The following INPP4B variants were observed in gnomAD, a reference collection of about 807,000 sequenced individuals.
INPP4B encodes inositol polyphosphate 4-phosphatase type II.
A neutral mutation model predicts 122.5 loss-of-function variants in INPP4B; 55 were observed. That is an observed-to-expected ratio of 0.45 (90% CI 0.36 to 0.56). The LOEUF is 0.56. Ranked by LOEUF, INPP4B falls within the 20% of genes least tolerant of loss-of-function variation. The pLI, the probability that INPP4B is intolerant of heterozygous loss-of-function variation, is 0.00. For synonymous variants in INPP4B, 403 were observed against 388.7 expected, an observed-to-expected ratio of 1.04 and a Z score of -0.43; for missense variants, 1,000 against 1,097.7, an observed-to-expected ratio of 0.91 and a Z score of 1.26.
At chr4:142,493,674 C>G (rs1822162885) in intron 2 of INPP4B, among the ~76,000 whole-genome samples, 1 of 152,150 alleles carries the variant, frequency 6.6e-6, no homozygotes, top group South Asian at 2.1e-4. Context: ...CTTGTAACTC[C>G]ATTTTATAGG....
intron 2 of INPP4B, among the ~76,000 whole-genome samples, chr4:142,671,353 T>C (rs971050946): frequency 6.6e-6 from 1 of 152,170 alleles, no homozygotes; most frequent in African/African-American, 2.4e-5. Context: ...AACTTTCCTT[T>C]GCAGCCTTCA....
chr4:142,178,052 A>G (rs944516696), intron 15 of INPP4B, among the ~76,000 whole-genome samples: 19 of 152,132 alleles, frequency 1.2e-4, no homozygotes, highest in African/African-American at 3.9e-4. Flanking sequence ...CTGGACTCCA[A>G]TGAAAACAAA....
At chr4:142,459,387 T>G (rs1197393576) in intron 3 of INPP4B, among the ~76,000 whole-genome samples, 2 of 151,642 alleles carry the variant, frequency 1.3e-5, no homozygotes, top group Non-Finnish European at 2.9e-5. Flanking sequence ...TTTAATAAAT[T>G]TTTGCATCAA....
At chr4:142,454,197 G>A (rs1814906751) in intron 3 of INPP4B, among the ~76,000 whole-genome samples, 2 of 152,098 alleles carry the variant, frequency 1.3e-5, no homozygotes. Flanking sequence ...CGTGTCAGAA[G>A]TGAGTAAATA....
chr4:142,385,580 T>C (rs1243217934), intron 7 of INPP4B, among the ~76,000 whole-genome samples: 1 of 152,152 alleles, frequency 6.6e-6, no homozygotes, highest in African/African-American at 2.4e-5. Context: ...ATCCTGGATA[T>C]TGTCATTTTA....
At chr4:142,334,442 T>G (rs772194855) in intron 7 of INPP4B, among the ~76,000 whole-genome samples, 13 of 152,184 alleles carry the variant, frequency 8.5e-5, no homozygotes, top group Non-Finnish European at 1.8e-4. Flanking sequence ...CTTGAGATAC[T>G]GACTTTGTTC....
intron 7 of INPP4B, among the ~76,000 whole-genome samples, chr4:142,399,110 C>T (rs1169946898): frequency 2.0e-5 from 3 of 151,224 alleles, no homozygotes; most frequent in Non-Finnish European, 4.4e-5. Flanking sequence ...TCTTCCACAG[C>T]ACCATGTTGC....
In INPP4B at chr4:142,160,566, A is replaced by G. The variant is rs940185689; in HGVS notation, c.1360-5T>C. ...GGCATGTACAAAAAGCTCTGTCTGGAAAGAAATTGACAAGGATTAGAAACA... is the reference window on the plus strand; with the variant it reads ...GGCATGTACAAAAAGCTCTGTCTGGGAAGAAATTGACAAGGATTAGAAACA... On this transcript the variant is annotated splice_polypyrimidine_tract_variant and splice_region_variant and intron_variant, in intron 16 of 25. Transcript: ENST00000262992. 6 of 1,587,666 alleles carry G rather than the reference A, an allele frequency of 3.8e-6. No individual in the cohort carries two copies. In the African/African-American group the frequency reaches 5.4e-5, roughly 14 times the overall value.
chr4:142,254,748 G>T (rs1400383720), intron 11 of INPP4B, among the ~76,000 whole-genome samples: 1 of 152,104 alleles, frequency 6.6e-6, no homozygotes, highest in East Asian at 1.9e-4. Context: ...TGAAAGTGAC[G>T]AGGAGAATGG....
At chr4:142,654,385 A>AAAG (rs1487029065) in intron 2 of INPP4B, 3 of 151,104 alleles carry the variant, frequency 2.0e-5, no homozygotes, top group Non-Finnish European at 4.4e-5. Context: ...AAAAAAAAAA[A>AAAG]AAAACATAAA....
chr4:142,827,578 C>T (rs978753395), intron 1 of INPP4B, among the ~76,000 whole-genome samples: 2 of 152,110 alleles, frequency 1.3e-5, no homozygotes, highest in African/African-American at 4.8e-5. Flanking sequence ...AAGTGGTAAA[C>T]ATACTTAACA....
intron 17 of INPP4B, among the ~76,000 whole-genome samples, chr4:142,148,245 G>A (rs1212598209): frequency 6.6e-6 from 1 of 151,788 alleles, no homozygotes; most frequent in Non-Finnish European, 1.5e-5. Flanking sequence ...GTGTGTTTGT[G>A]TGTGTGTGTG....
chr4:142,541,628 TTTC>T (rs1828952436), intron 2 of INPP4B, among the ~76,000 whole-genome samples: 1 of 152,220 alleles, frequency 6.6e-6, no homozygotes, highest in Non-Finnish European at 1.5e-5. Context: ...GAAATGTATT[TTTC>T]TTCTTTGCCA....
rs762637033 is a variant in INPP4B at position 142,040,436 on chromosome 4, C to T, written c.2643-11522G>A. ...TACAGAAAAGTCTCAAAGCTCAGTGCAAGGGAAGACTTGTGGCTGGAGGAG... is the reference window on the plus strand; with the variant it reads ...TACAGAAAAGTCTCAAAGCTCAGTGTAAGGGAAGACTTGTGGCTGGAGGAG... On this transcript the variant is annotated intron_variant, in intron 25 of 25. Coordinates refer to ENST00000262992, the MANE Select transcript of INPP4B (RefSeq NM_001101669.3). Among the ~76,000 whole-genome samples, 29 of 152,270 alleles carry T rather than the reference C, an allele frequency of 1.9e-4. No individual in the cohort carries two copies. In the Middle Eastern group the frequency reaches 0.017, roughly 89 times the overall value.
intron 1 of INPP4B, among the ~76,000 whole-genome samples, chr4:142,738,202 A>G (rs1473840202): frequency 6.6e-6 from 1 of 152,226 alleles, no homozygotes; most frequent in Non-Finnish European, 1.5e-5. Context: ...AAGACTTGGA[A>G]CCAACCCAAA....
At chr4:142,132,525 A>G (rs1470197049) in intron 18 of INPP4B, among the ~76,000 whole-genome samples, 1 of 152,216 alleles carries the variant, frequency 6.6e-6, no homozygotes, top group Non-Finnish European at 1.5e-5. Flanking sequence ...ATTCAAATAA[A>G]CAAAGTAATT....
chr4:142,565,902 GA>G (rs1235455474), intron 2 of INPP4B: 1 of 152,164 alleles, frequency 6.6e-6, no homozygotes, highest in African/African-American at 2.4e-5. Context: ...TTAAATATGA[GA>G]AAACATCAGA....
rs548923934 is a variant in INPP4B at position 142,615,128 on chromosome 4, T to C, written c.-191+110711A>G. 3.1e-4 allele frequency among the ~76,000 whole-genome samples: 47 copies of C among 152,270 alleles called. No individual in the cohort carries two copies. The South Asian group carries it at 9.5e-3, about 31-fold the overall frequency. On this transcript the variant is annotated intron_variant, in intron 2 of 25. Transcript: ENST00000262992. ...CAGCACTATTCATTTTTTATTTGTT[T>C]ATTTATTTTTATTTTAAAAGGTTAG...
At chr4:142,111,738 A>G (rs1790215649) in intron 22 of INPP4B, among the ~76,000 whole-genome samples, 1 of 147,426 alleles carries the variant, frequency 6.8e-6, no homozygotes, top group Admixed American at 6.8e-5. Flanking sequence ...CAAAAAAAAG[A>G]GATTTTTTTT....
Sources: gnomAD v4.1 joint callset for allele counts (sites outside exome capture counted in the v4.1 genomes callset) on GRCh38, gnomAD v4.1.1 for gene constraint, MANE v1.5 for transcripts, NCBI Gene and HGNC (gene_info 2026-07-23, HGNC 2026-07-21) for gene names.